Variants in MVB12B observed in about 807,000 individuals in gnomAD.
The protein encoded by MVB12B is ESCRT-I complex subunit MVB12B.
A neutral mutation model predicts 41.6 loss-of-function variants in MVB12B; 16 were observed. That is an observed-to-expected ratio of 0.38 (90% CI 0.26 to 0.58). MVB12B has a LOEUF of 0.58. Among genes scored for constraint, MVB12B ranks in the 20% least tolerant of loss-of-function variants. The pLI, the probability that MVB12B is intolerant of heterozygous loss-of-function variation, is 0.62. For missense variants in MVB12B, 274 were observed against 380.2 expected (o/e 0.72, Z 2.32); for synonymous variants, 133 against 139.7 (o/e 0.95, Z 0.34).
intron 7 of MVB12B, chr9:126,448,373 T>C (rs1358913706): frequency 6.6e-6 from 1 of 152,242 alleles, no homozygotes; most frequent in African/African-American, 2.4e-5. Context: ...CTTTGCCAAA[T>C]AATCACCTTG....
At chr9:126,433,111 C>G (rs1447491662) in intron 7 of MVB12B, among the ~76,000 whole-genome samples, 1 of 152,052 alleles carries the variant, frequency 6.6e-6, no homozygotes, top group African/African-American at 2.4e-5. Context: ...TGACCTTGGG[C>G]AAGGAACTGA....
intron 4 of MVB12B, among the ~76,000 whole-genome samples, chr9:126,387,939 C>T (rs777344142): frequency 3.3e-5 from 5 of 152,188 alleles, no homozygotes; most frequent in Admixed American, 2.6e-4. Flanking sequence ...CACTTTTAAC[C>T]ACGGCGGCAC....
chr9:126,394,206 G>C (rs1831040668), intron 5 of MVB12B, among the ~76,000 whole-genome samples: 1 of 152,162 alleles, frequency 6.6e-6, no homozygotes. Context: ...ACATACTTCA[G>C]GCACCTCAGA....
At chr9:126,371,124 G>A (rs926622065) in intron 2 of MVB12B, among the ~76,000 whole-genome samples, 1 of 152,172 alleles carries the variant, frequency 6.6e-6, no homozygotes, top group African/African-American at 2.4e-5. Context: ...TGGCAGTGCC[G>A]TGGTAGACCA....
At chr9:126,441,650 T>C (rs1832643682) in intron 7 of MVB12B, among the ~76,000 whole-genome samples, 1 of 152,242 alleles carries the variant, frequency 6.6e-6, no homozygotes, top group African/African-American at 2.4e-5. Flanking sequence ...TATTATATAG[T>C]TAATTAGCAT....
At position 126,359,606 on chromosome 9, in the gene MVB12B, A is replaced by G. The variant is rs141066310; in HGVS notation, c.204+18976A>G. Reference sequence around the variant, plus strand: ...TGTCATTCAGGTTATCTATTCTTAAATGAGCCTTGGTAGTTTGTGTCTGCT... The same window carrying G: ...TGTCATTCAGGTTATCTATTCTTAAGTGAGCCTTGGTAGTTTGTGTCTGCT... On this transcript the variant is annotated intron_variant, in intron 2 of 9. Coordinates refer to ENST00000361171, the MANE Select transcript of MVB12B (RefSeq NM_033446.3). Among the ~76,000 whole-genome samples, 363 of 152,328 alleles carry G rather than the reference A, an allele frequency of 2.4e-3. 1 individual carries two copies. The highest frequency in any genetic ancestry group is 8.4e-3 in the African/African-American group (350 of 41,580).
intron 7 of MVB12B, among the ~76,000 whole-genome samples, chr9:126,475,296 T>C (rs1311373834): frequency 6.6e-6 from 1 of 152,192 alleles, no homozygotes; most frequent in Non-Finnish European, 1.5e-5. Context: ...ATTTGAGTCA[T>C]TGATCATGCC....
intron 7 of MVB12B, among the ~76,000 whole-genome samples, chr9:126,475,335 G>A (rs7857021): frequency 0.66 from 99,772 of 152,000 alleles, 33,181 homozygotes; most frequent in East Asian, 0.97. Context: ...GGTCACTTAA[G>A]GTTAGCATTG....
intron 9 of MVB12B, among the ~76,000 whole-genome samples, chr9:126,492,920 C>T (rs931612932): frequency 7.9e-5 from 12 of 152,314 alleles, no homozygotes; most frequent in African/African-American, 2.9e-4. Flanking sequence ...TGTTCTCACG[C>T]GAGCGTCTTC....
intron 7 of MVB12B, among the ~76,000 whole-genome samples, chr9:126,431,525 G>A (rs1467422470): frequency 6.6e-6 from 1 of 152,164 alleles, no homozygotes; most frequent in Non-Finnish European, 1.5e-5. Context: ...TTCCAGTTAA[G>A]TCATCATGAA....
In MVB12B at chr9:126,503,182, G is replaced by A; in HGVS notation, c.879G>A (p.Glu293=). 2 of 1,550,816 alleles carry A rather than the reference G, an allele frequency of 1.3e-6. No individual in the cohort carries two copies. Among genetic ancestry groups the A allele is most frequent in the Non-Finnish European group, 8.7e-7 (1 of 1,146,998 alleles). The change falls in exon 10 of 10, where the codon GAG becomes GAA. Residue 293 remains glutamate, a synonymous_variant. Transcript: ENST00000361171. Reference sequence around the variant, plus strand: ...GTCCCCACCCGCCCCTGCAGTACGAGTACAGCTTCCGCACAGAGCAGAGCG... The same window carrying A: ...GTCCCCACCCGCCCCTGCAGTACGAATACAGCTTCCGCACAGAGCAGAGCG... ...KSLAEIEKEY[E]YSFRTEQSAA...
At chr9:126,414,570 C>G (rs1831752922) in intron 6 of MVB12B, among the ~76,000 whole-genome samples, 1 of 152,208 alleles carries the variant, frequency 6.6e-6, no homozygotes, top group African/African-American at 2.4e-5. Flanking sequence ...AGCCCTTGCT[C>G]CAGGGGTCCA....
chr9:126,343,197 A>G (rs1302528433), intron 2 of MVB12B, among the ~76,000 whole-genome samples: 2 of 152,100 alleles, frequency 1.3e-5, no homozygotes, highest in East Asian at 3.9e-4. Flanking sequence ...AAACTTCTCA[A>G]TTTATTGTTC....
chr9:126,449,397 T>G (rs1254769226), intron 7 of MVB12B, among the ~76,000 whole-genome samples: 3 of 152,020 alleles, frequency 2.0e-5, no homozygotes, highest in African/African-American at 7.2e-5. Flanking sequence ...GCCCTTTCCC[T>G]TGCAGGTTTG....
At chr9:126,448,948 C>G (rs1450118458) in intron 7 of MVB12B, among the ~76,000 whole-genome samples, 1 of 152,190 alleles carries the variant, frequency 6.6e-6, no homozygotes, top group Non-Finnish European at 1.5e-5. Context: ...TGAAATCTTC[C>G]CATCTTCCCT....
intron 9 of MVB12B, among the ~76,000 whole-genome samples, chr9:126,487,345 G>A (rs998109564): frequency 6.6e-6 from 1 of 152,176 alleles, no homozygotes; most frequent in African/African-American, 2.4e-5. Flanking sequence ...ACAGAGAAGG[G>A]CGTGAGTCGG....
chr9:126,366,312 C>T (rs1317925086), intron 2 of MVB12B, among the ~76,000 whole-genome samples: 1 of 152,098 alleles, frequency 6.6e-6, no homozygotes, highest in Non-Finnish European at 1.5e-5. Flanking sequence ...AACCTCATCT[C>T]TACTTTGGTT....
chr9:126,426,424 C>T (rs1273363946), intron 7 of MVB12B, among the ~76,000 whole-genome samples: 1 of 152,170 alleles, frequency 6.6e-6, no homozygotes, highest in African/African-American at 2.4e-5. Flanking sequence ...TTGGAGGGCC[C>T]TCTTCCGGGT....
chr9:126,439,185 G>A (rs1399831332), intron 7 of MVB12B, among the ~76,000 whole-genome samples: 3 of 152,106 alleles, frequency 2.0e-5, no homozygotes, highest in Non-Finnish European at 2.9e-5. Flanking sequence ...CTCTGAGCAG[G>A]CTCTGGAGAA....
Sources: gnomAD v4.1 joint callset for allele counts (sites outside exome capture counted in the v4.1 genomes callset) on GRCh38, gnomAD v4.1.1 for gene constraint, MANE v1.5 for transcripts, NCBI Gene and HGNC (gene_info 2026-07-23, HGNC 2026-07-21) for gene names.